The following MTERF3 variants were observed in gnomAD, a reference collection of about 807,000 sequenced individuals.
MTERF3 encodes the protein transcription termination factor 3, mitochondrial.
MTERF3 carries 40 observed loss-of-function variants against 40.5 expected under a neutral mutation model. The observed-to-expected ratio is 0.99, with a 90% CI of 0.77 to 1.29. The LOEUF (loss-of-function observed/expected upper bound fraction) is 1.29, where lower values mean the gene tolerates loss of function less well. Ranked by LOEUF, MTERF3 falls within the 50% of genes most tolerant of loss-of-function variation. The pLI is 0.00. For missense variants in MTERF3, 452 were observed against 478.2 expected, an observed-to-expected ratio of 0.95 and a Z score of 0.51; for synonymous variants, 158 against 166.6, an observed-to-expected ratio of 0.95 and a Z score of 0.40.
In MTERF3 at chr8:96,254,003, G is replaced by A. The variant is rs375049435; in HGVS notation, c.488-2908C>T. Among the ~76,000 whole-genome samples, 7 of 152,062 alleles carry A rather than the reference G, an allele frequency of 4.6e-5. No homozygotes were observed. The East Asian group carries it at 1.2e-3, about 25-fold the overall frequency. On this transcript the variant is annotated intron_variant, in intron 3 of 7. Coordinates refer to ENST00000287025, the MANE Select transcript of MTERF3 (RefSeq NM_015942.5). Reference sequence around the variant, plus strand: ...AGCCTGGGTGACAGAGCAAGACCCTGTGTCAAAAAAAAGATAAGACAGGGA... The same window carrying A: ...AGCCTGGGTGACAGAGCAAGACCCTATGTCAAAAAAAAGATAAGACAGGGA...
At chr8:96,257,923 A>AGT (rs1271930127) in intron 2 of MTERF3, among the ~76,000 whole-genome samples, 1 of 152,200 alleles carries the variant, frequency 6.6e-6, no homozygotes, top group Non-Finnish European at 1.5e-5. Context: ...CTAAAAAGCG[A>AGT]CCATGAGGGA....
intron 3 of MTERF3, among the ~76,000 whole-genome samples, chr8:96,255,990 A>G (rs1810272799): frequency 1.3e-5 from 2 of 152,144 alleles, no homozygotes; most frequent in African/African-American, 4.8e-5. Flanking sequence ...ACAGACTAAA[A>G]ACTGGGGTAT....
intron 3 of MTERF3, among the ~76,000 whole-genome samples, chr8:96,252,715 G>C (rs1465124712): frequency 6.6e-6 from 1 of 152,192 alleles, no homozygotes; most frequent in African/African-American, 2.4e-5. Flanking sequence ...GTGATAAATG[G>C]GGGAGCGGAT....
chr8:96,247,773 A>G (rs905866678), intron 4 of MTERF3, among the ~76,000 whole-genome samples: 2 of 152,188 alleles, frequency 1.3e-5, no homozygotes, highest in Non-Finnish European at 2.9e-5. Flanking sequence ...AAAACAAAAC[A>G]AAAACACCCC....
Position 96,257,108 on chromosome 8 carries a change from T to C in MTERF3, c.341A>G (p.Asp114Gly). 6.2e-7 allele frequency: 1 copy of C among 1,610,678 alleles called. No individual in the cohort carries two copies. Among genetic ancestry groups the C allele is most frequent in the Non-Finnish European group, 8.5e-7 (1 of 1,178,918 alleles). Residue 114 changes from aspartate to glycine, a missense_variant, in exon 3 of 8, where the codon GAT (aspartate) becomes GGT (glycine). Asp to Gly is a moderately conservative substitution (Grantham distance 94, BLOSUM62 -1). Transcript: ENST00000287025. Reference sequence around the variant, plus strand: ...CATTGGAGACAATGGAGGCAATTCATCCAGTTCTTTGAAAGAGAGAAACAA... The same window carrying C: ...CATTGGAGACAATGGAGGCAATTCACCCAGTTCTTTGAAAGAGAGAAACAA... ...FDSELFLEEL[D>G]ELPPLSPMQP...
intron 2 of MTERF3, among the ~76,000 whole-genome samples, chr8:96,257,605 C>T (rs2129947517): frequency 6.6e-6 from 1 of 152,308 alleles, no homozygotes; most frequent in African/African-American, 2.4e-5. Context: ...AACCTGCAGT[C>T]CTCTCTACAG....
intron 1 of MTERF3, 23 bp from the exon 2 acceptor site, chr8:96,258,723 T>C: frequency 6.8e-7 from 1 of 1,472,384 alleles, no homozygotes; most frequent in East Asian, 2.3e-5. Context: ...GATATAACCG[T>C]CAAAAGAAGA....
chr8:96,255,180 T>A (rs1471207428), intron 3 of MTERF3, among the ~76,000 whole-genome samples: 1 of 152,070 alleles, frequency 6.6e-6, no homozygotes, highest in Non-Finnish European at 1.5e-5. Context: ...GAGAAGACTA[T>A]CAAGATAGGA....
intron 4 of MTERF3, 130 bp downstream of exon 4, chr8:96,250,776 G>A: frequency 1.4e-6 from 1 of 706,154 alleles, no homozygotes; most frequent in East Asian, 3.1e-5. Context: ...ATCAAAGAAG[G>A]TCTATAACAA....
chr8:96,250,464 C>T (rs1208876167), intron 4 of MTERF3, among the ~76,000 whole-genome samples: 2 of 145,190 alleles, frequency 1.4e-5, no homozygotes, highest in Non-Finnish European at 3.1e-5. Context: ...AAAATCCCAG[C>T]ACTTTGGAGG....
intron 2 of MTERF3, 197 bp downstream of exon 2, chr8:96,258,156 AATCT>A: frequency 1.3e-6 from 1 of 767,012 alleles, no homozygotes; most frequent in Non-Finnish European, 1.6e-6. Context: ...GCTATAAAAT[AATCT>A]TACACGTTAG....
At chr8:96,249,960 T>TG (rs551189203) in intron 4 of MTERF3, among the ~76,000 whole-genome samples, 3 of 152,046 alleles carry the variant, frequency 2.0e-5, no homozygotes, top group African/African-American at 4.8e-5. Context: ...GAATGACAGG[T>TG]GGGGGCGACG....
chr8:96,256,612 T>C (rs1044056122), intron 3 of MTERF3, among the ~76,000 whole-genome samples: 2 of 152,202 alleles, frequency 1.3e-5, no homozygotes, highest in African/African-American at 2.4e-5. Flanking sequence ...GTAATTTATA[T>C]TAGGAGAATT....
intron 7 of MTERF3, 96 bp downstream of exon 7, chr8:96,243,823 T>G (rs573602868): frequency 4.4e-6 from 6 of 1,363,646 alleles, no homozygotes; most frequent in Non-Finnish European, 6.0e-6. Flanking sequence ...CTGCAAATTG[T>G]AAACTCTTCC....
Position 96,258,394 on chromosome 8 carries a change from TTG to T in MTERF3, c.295_296del (p.Gln99LysfsTer6). 2 of 1,613,738 alleles carry T rather than the reference TTG, an allele frequency of 1.2e-6. No individual in the cohort carries two copies. Among genetic ancestry groups the T allele is most frequent in the Non-Finnish European group, 1.7e-6 (2 of 1,179,698 alleles). ...GCTCAGAATCAAAGCTGGATATATT[TTG>T]TGTCTTCTGTGACTGTTCATTCATG... ...PSMNEQSQKT[Q>X]NISSFDSELF... On this transcript the variant is annotated frameshift_variant, in exon 2 of 8. Coordinates refer to ENST00000287025, the MANE Select transcript of MTERF3 (RefSeq NM_015942.5). LOFTEE classifies it high-confidence loss of function.
intron 4 of MTERF3, among the ~76,000 whole-genome samples, chr8:96,246,894 G>T (rs1261465161): frequency 1.3e-5 from 2 of 150,968 alleles, no homozygotes; most frequent in African/African-American, 4.9e-5. Flanking sequence ...CACAAATTAA[G>T]AAAATTAAGG....
chr8:96,244,878 A>G (rs912079375), intron 6 of MTERF3, among the ~76,000 whole-genome samples: 22 of 152,170 alleles, frequency 1.4e-4, no homozygotes, highest in African/African-American at 5.3e-4. Flanking sequence ...ACAAGAGGGA[A>G]TGAGTGACAT....
chr8:96,255,575 T>G (rs1170023619), intron 3 of MTERF3, among the ~76,000 whole-genome samples: 2 of 149,342 alleles, frequency 1.3e-5, no homozygotes, highest in Admixed American at 6.7e-5. Context: ...GGAGGCAGGT[T>G]GCAGTGAGCT....
intron 3 of MTERF3, among the ~76,000 whole-genome samples, chr8:96,253,738 G>T (rs1810228449): frequency 6.6e-6 from 1 of 152,026 alleles, no homozygotes; most frequent in African/African-American, 2.4e-5. Flanking sequence ...AGGCACGGTG[G>T]CTCATGCCTG....
Sources: gnomAD v4.1 joint callset for allele counts (sites outside exome capture counted in the v4.1 genomes callset) on GRCh38, gnomAD v4.1.1 for gene constraint, MANE v1.5 for transcripts, NCBI Gene and HGNC (gene_info 2026-07-23, HGNC 2026-07-21) for gene names.